MLEC: variants seen among roughly 807,000 people sequenced by gnomAD.
MLEC encodes the protein oligosaccharyltransferase complex subunit (non-catalytic).
A neutral mutation model predicts 28.7 loss-of-function variants in MLEC; 7 were observed. The observed-to-expected ratio is 0.24, with a 90% CI of 0.14 to 0.46. MLEC has a LOEUF of 0.46. MLEC is among the 20% of genes least tolerant of loss of function. The pLI is 0.99. For synonymous variants in MLEC, 142 were observed against 164.4 expected, an observed-to-expected ratio of 0.86 and a Z score of 1.04; for missense variants, 237 against 391.1, an observed-to-expected ratio of 0.61 and a Z score of 3.32.
rs773516694 is a variant in MLEC, at chr12:120,694,991, G to A, written c.582G>A (p.Glu194=). The A allele has an allele frequency of 1.9e-6, 3 of 1,614,018 alleles. 1 individual carries two copies. The highest frequency in any genetic ancestry group is 2.2e-5 in the South Asian group (2 of 91,086). ...VSTFTGKLYI[E]FVKGYYDNPK... is the part of the protein sequence containing the mutation. ...CCTTCACAGGGAAACTCTACATTGA[G>A]TTTGTCAAGGTAATTCCCCTATTCT... Residue 194 remains glutamate, a synonymous_variant, in exon 3 of 5, where the codon GAG becomes GAA. Transcript: ENST00000228506. The surrounding 1 kb of genome is among the most constrained non-coding windows in gnomAD (Gnocchi z 4.5).
intron 1 of MLEC, among the ~76,000 whole-genome samples, chr12:120,688,844 G>A (rs1163539415): frequency 6.6e-6 from 1 of 152,204 alleles, no homozygotes; most frequent in African/African-American, 2.4e-5. Context: ...CAGTAGCCTG[G>A]GTTCAGCTGA....
chr12:120,687,244 C>T lies in MLEC; in HGVS notation c.-53C>T, dbSNP rs1381280014. 2.2e-6 allele frequency: 3 copies of T among 1,349,426 alleles called. No individual in the cohort carries two copies. The highest frequency in any genetic ancestry group is 1.9e-6 in the Non-Finnish European group (2 of 1,057,076). The allele number at this position is 1,349,426 out of a possible 1,614,324, so 83.6% of individuals were successfully genotyped here. On this transcript the variant is annotated 5_prime_UTR_variant, in exon 1 of 5. Transcript: ENST00000228506. This position sits in a 1 kb window ranked among gnomAD's most constrained non-coding sequence, Gnocchi z 8.1. ...TTTTTCTGAGTCCGGGGTGGCCTGG[C>T]AGCCGGCCGAGGACGAGGGTCGGCG...
At chr12:120,689,205 G>A (rs1380038271) in intron 1 of MLEC, among the ~76,000 whole-genome samples, 3 of 41,406 alleles carry the variant, frequency 7.2e-5, no homozygotes, top group Non-Finnish European at 1.1e-4. Flanking sequence ...GATGCAGGTG[G>A]TGTGTGTGTG....
At chr12:120,689,379 A>T (rs1198408109) in intron 1 of MLEC, among the ~76,000 whole-genome samples, 1 of 152,130 alleles carries the variant, frequency 6.6e-6, no homozygotes, top group Non-Finnish European at 1.5e-5. Flanking sequence ...CCTATTTCGG[A>T]CACTGGCCCT....
rs1374541359 is a variant in MLEC at position 120,698,680 on chromosome 12, G to T, written c.*2135G>T. ...TTGCCTTGTTTGTTAGTTTGCCTGG[G>T]TCTGTCTGAGGAAGGAGGGGGTCCC... On this transcript the variant is annotated 3_prime_UTR_variant, in exon 5 of 5. Transcript: ENST00000228506. 6.5e-6 allele frequency: 1 copy of T among 152,684 alleles called. No homozygotes were observed. Among genetic ancestry groups the T allele is most frequent in the African/African-American group, 2.4e-5 (1 of 41,410 alleles). 9.5% of individuals were successfully genotyped at this position (152,684 alleles called of 1,614,324 possible). A position where few individuals can be genotyped will look rare whatever the true frequency, so the allele number is the denominator to read the frequency against.
At position 120,694,812 on chromosome 12, in the gene MLEC, T is replaced by G; in HGVS notation, c.415-12T>G. On this transcript the variant is annotated splice_polypyrimidine_tract_variant and intron_variant, in intron 2 of 4. Coordinates refer to ENST00000228506, the MANE Select transcript of MLEC (RefSeq NM_014730.4). The surrounding 1 kb of genome is among the most constrained non-coding windows in gnomAD (Gnocchi z 4.5). ...ATGGTTTTGACATTGTTTTCTTTTCTTATCCTGGAAGGTATTTGATGTACG... is the reference window on the plus strand; with the variant it reads ...ATGGTTTTGACATTGTTTTCTTTTCGTATCCTGGAAGGTATTTGATGTACG... The G allele has an allele frequency of 1.9e-6, 3 of 1,597,558 alleles. No individual in the cohort carries two copies. The highest frequency in any genetic ancestry group is 2.6e-6 in the Non-Finnish European group (3 of 1,169,238).
In MLEC at chr12:120,698,025, C is replaced by T. The variant is rs1566015437; in HGVS notation, c.*1480C>T. On this transcript the variant is annotated 3_prime_UTR_variant, in exon 5 of 5. Transcript: ENST00000228506. ...TATAGGAAATGAAGCTTCCCTGGTCCCCTCCTTTCTGGCCATTGTCATCCA... is the reference window on the plus strand; with the variant it reads ...TATAGGAAATGAAGCTTCCCTGGTCTCCTCCTTTCTGGCCATTGTCATCCA... The T allele has an allele frequency of 6.6e-6, 1 of 152,092 alleles. No individual in the cohort carries two copies. Among genetic ancestry groups the T allele is most frequent in the African/African-American group, 2.4e-5 (1 of 41,406 alleles). The allele number at this position is 152,092 out of a possible 1,614,324, so 9.4% of individuals were successfully genotyped here.
At chr12:120,689,787 C>T (rs916128516) in intron 1 of MLEC, among the ~76,000 whole-genome samples, 1 of 152,210 alleles carries the variant, frequency 6.6e-6, no homozygotes, top group Admixed American at 6.5e-5. Flanking sequence ...CTTTTCCCGC[C>T]TGCCTGTGAT....
intron 1 of MLEC, among the ~76,000 whole-genome samples, chr12:120,688,992 T>C (rs977281520): frequency 2.0e-5 from 3 of 152,216 alleles, no homozygotes; most frequent in Non-Finnish European, 2.9e-5. Flanking sequence ...TTGAGGAAAC[T>C]AGACAGTTTG....
In MLEC at chr12:120,687,333, G is replaced by A; in HGVS notation, c.37G>A (p.Ala13Thr). ...GAWAVEGTAV[A>T]LLRLLLLLLP... ...CTGGGCGGTTGAGGGAACCGCTGTGGCGCTCCTGCGACTGCTGCTGCTGCT... is the reference window on the plus strand; with the variant it reads ...CTGGGCGGTTGAGGGAACCGCTGTGACGCTCCTGCGACTGCTGCTGCTGCT... Residue 13 changes from alanine to threonine, a missense_variant, in exon 1 of 5, where the codon GCG (alanine) becomes ACG (threonine). Ala to Thr is a moderately conservative substitution (Grantham distance 58). Transcript: ENST00000228506. The surrounding 1 kb of genome is among the most constrained non-coding windows in gnomAD (Gnocchi z 8.1). The A allele has an allele frequency of 1.4e-6, 2 of 1,396,972 alleles. No individual in the cohort carries two copies. 86.5% of individuals were successfully genotyped at this position (1,396,972 alleles called of 1,614,324 possible). A position where few individuals can be genotyped will look rare whatever the true frequency, so the allele number is the denominator to read the frequency against.
At position 120,696,748 on chromosome 12, in the gene MLEC, C is replaced by A; in HGVS notation, c.*203C>A. The A allele has an allele frequency of 1.4e-6, 1 of 693,350 alleles. No individual in the cohort carries two copies. Among genetic ancestry groups the A allele is most frequent in the Non-Finnish European group, 2.3e-6 (1 of 427,768 alleles). 42.9% of individuals were successfully genotyped at this position (693,350 alleles called of 1,614,324 possible). Reference sequence around the variant, plus strand: ...CTGGTCCCAGACGTGCTTCAGTCCTCGTCCTCTCTTTGTGGCTGGCTCCCA... The same window carrying A: ...CTGGTCCCAGACGTGCTTCAGTCCTAGTCCTCTCTTTGTGGCTGGCTCCCA... On this transcript the variant is annotated 3_prime_UTR_variant, in exon 5 of 5. Coordinates refer to ENST00000228506, the MANE Select transcript of MLEC (RefSeq NM_014730.4). The surrounding 1 kb of genome is among the most constrained non-coding windows in gnomAD (Gnocchi z 5.4).
Position 120,687,202 on chromosome 12 carries a change from A to G in MLEC, c.-95A>G. ...GACATGTCCCCGGCGGCTCAGGCGG[A>G]GCGGCCCGTGGCGCTGTTTTTCTGA... On this transcript the variant is annotated 5_prime_UTR_variant, in exon 1 of 5. Coordinates refer to ENST00000228506, the MANE Select transcript of MLEC (RefSeq NM_014730.4). The surrounding 1 kb of genome is among the most constrained non-coding windows in gnomAD (Gnocchi z 8.1). 2 of 1,271,216 alleles carry G rather than the reference A, an allele frequency of 1.6e-6. No homozygotes were observed. Among genetic ancestry groups the G allele is most frequent in the Non-Finnish European group, 2.0e-6 (2 of 1,005,044 alleles). 78.7% of individuals were successfully genotyped at this position (1,271,216 alleles called of 1,614,324 possible).
Position 120,687,594 on chromosome 12 carries a change from G to A in MLEC, c.235+63G>A. On this transcript the variant is annotated intron_variant, in intron 1 of 4. Transcript: ENST00000228506. This position sits in a 1 kb window ranked among gnomAD's most constrained non-coding sequence, Gnocchi z 8.1. ...TGCTGTGCTGGGCGCAGCCGGCCGG[G>A]GGCTGCGGGCCCCGAGCCCCTTTCG... 7.6e-7 allele frequency: 1 copy of A among 1,311,236 alleles called. No individual in the cohort carries two copies. The highest frequency in any genetic ancestry group is 1.0e-6 in the Non-Finnish European group (1 of 990,714). The allele number at this position is 1,311,236 out of a possible 1,614,324, so 81.2% of individuals were successfully genotyped here.
At chr12:120,692,091 T>C (rs1273619369) in intron 1 of MLEC, among the ~76,000 whole-genome samples, 1 of 151,820 alleles carries the variant, frequency 6.6e-6, no homozygotes, top group Non-Finnish European at 1.5e-5. Context: ...CCCTGGGAGG[T>C]GGAGGTTGCA....
At position 120,695,010 on chromosome 12, in the gene MLEC, C is replaced by T. The variant is rs930494719; in HGVS notation, c.591+10C>T. On this transcript the variant is annotated intron_variant, in intron 3 of 4. Coordinates refer to ENST00000228506, the MANE Select transcript of MLEC (RefSeq NM_014730.4). Reference sequence around the variant, plus strand: ...CATTGAGTTTGTCAAGGTAATTCCCCTATTCTGCCCATTGCTGAAGAGAGT... The same window carrying T: ...CATTGAGTTTGTCAAGGTAATTCCCTTATTCTGCCCATTGCTGAAGAGAGT... The T allele has an allele frequency of 6.2e-7, 1 of 1,613,840 alleles. No individual in the cohort carries two copies. Among genetic ancestry groups the T allele is most frequent in the Non-Finnish European group, 8.5e-7 (1 of 1,179,754 alleles).
chr12:120,692,846 A>G (rs2137416921), intron 1 of MLEC, among the ~76,000 whole-genome samples: 1 of 152,042 alleles, frequency 6.6e-6, no homozygotes, highest in Non-Finnish European at 1.5e-5. Flanking sequence ...CTGTGTTTAT[A>G]GGATAAAGGA....
Position 120,694,967 on chromosome 12 carries a change from C to T in MLEC, c.558C>T (p.Thr186=). 1 of 1,614,176 alleles carries T rather than the reference C, an allele frequency of 6.2e-7. No homozygotes were observed. Among genetic ancestry groups the T allele is most frequent in the South Asian group, 1.1e-5 (1 of 91,082 alleles). Residue 186 remains threonine (T), a synonymous_variant, in exon 3 of 5, where the codon ACC becomes ACT. Transcript: ENST00000228506. The surrounding 1 kb of genome is among the most constrained non-coding windows in gnomAD (Gnocchi z 4.5). The stretch of plus-strand genomic sequence containing the variant: ...TGAGTGTCCAGGGGGAGGTGTCCAC[C>T]TTCACAGGGAAACTCTACATTGAGT... ...GKLSVQGEVS[T]FTGKLYIEFV...
chr12:120,687,372 A>G lies in MLEC; in HGVS notation c.76A>G (p.Ile26Val). Reference sequence around the variant, plus strand: ...GCTGCTGCTGCTGCTGCCGCCGGCGATCCGGGGACCCGGGCTCGGCGTGGC... The same window carrying G: ...GCTGCTGCTGCTGCTGCCGCCGGCGGTCCGGGGACCCGGGCTCGGCGTGGC... ...RLLLLLLPPA[I>V]RGPGLGVAGV... The change falls in exon 1 of 5, where the codon ATC becomes GTC. Residue 26 changes from isoleucine to valine, a missense_variant. By Grantham distance (29) the Ile-to-Val change is conservative (BLOSUM62 3). Transcript: ENST00000228506. The surrounding 1 kb of genome is among the most constrained non-coding windows in gnomAD (Gnocchi z 8.1). 7.3e-7 allele frequency: 1 copy of G among 1,373,126 alleles called. No homozygotes were observed. The highest frequency in any genetic ancestry group is 9.4e-7 in the Non-Finnish European group (1 of 1,063,658). The allele number at this position is 1,373,126 out of a possible 1,614,324, so 85.1% of individuals were successfully genotyped here.
chr12:120,695,376 C>T (rs542680658), intron 4 of MLEC, among the ~76,000 whole-genome samples: 2 of 152,314 alleles, frequency 1.3e-5, no homozygotes, highest in African/African-American at 2.4e-5. Context: ...AGATGTTTGT[C>T]TTGGATGGAT....
Sources: allele counts gnomAD v4.1 joint callset (sites outside exome capture counted in the v4.1 genomes callset), GRCh38; gene constraint gnomAD v4.1.1; non-coding constraint Gnocchi (gnomAD v3.1); transcripts MANE v1.5; gene names NCBI Gene and HGNC (gene_info 2026-07-23, HGNC 2026-07-21).